The following ERC2 variants were observed in gnomAD, a reference collection of about 807,000 sequenced individuals.
ERC2 encodes the protein ELKS/RAB6-interacting/CAST family member 2, also known as ERC protein 2.
In ERC2, 42 loss-of-function variants were observed where a neutral mutation model predicts 114.8. That is an observed-to-expected ratio of 0.37 (90% CI 0.29 to 0.47). ERC2 has a LOEUF of 0.47. ERC2 is among the 20% of genes least tolerant of loss of function. ERC2 has a pLI of 0.99. For synonymous variants in ERC2, 454 were observed against 425.5 expected (o/e 1.07, Z -0.82); for missense variants, 939 against 1,150.7 (o/e 0.82, Z 2.66).
At chr3:55,543,058 AT>A (rs1216300303) in intron 17 of ERC2, among the ~76,000 whole-genome samples, 1 of 152,186 alleles carries the variant, frequency 6.6e-6, no homozygotes. Flanking sequence ...CTGCAAGTCC[AT>A]GAGTCTCCCT....
At chr3:56,397,285 G>T (rs994491619) in intron 2 of ERC2, among the ~76,000 whole-genome samples, 16 of 151,466 alleles carry the variant, frequency 1.1e-4, no homozygotes, top group African/African-American at 3.9e-4. Flanking sequence ...GTAGGCTAAG[G>T]CTGCAGTGGG....
Position 56,139,567 on chromosome 3 carries a change from T to G in ERC2, c.1415A>C (p.Glu472Ala). 2 of 1,614,002 alleles carry G rather than the reference T, an allele frequency of 1.2e-6. No homozygotes were observed. The highest frequency in any genetic ancestry group is 1.7e-6 in the Non-Finnish European group (2 of 1,179,946). The change falls in exon 6 of 18, where the codon GAA becomes GCA. Residue 472 changes from glutamate (E) to alanine (A), a missense_variant. Transcript: ENST00000288221. Reference sequence around the variant, plus strand: ...GGCAGTAAGTGACTCTTTGAGCACTTCAATGTGTTGCTTGCAATCTGAATT... The same window carrying G: ...GGCAGTAAGTGACTCTTTGAGCACTGCAATGTGTTGCTTGCAATCTGAATT... ...NQNSDCKQHI[E>A]VLKESLTAKE... is the part of the protein sequence containing the mutation.
intron 17 of ERC2, among the ~76,000 whole-genome samples, chr3:55,573,312 T>C (rs2107531059): frequency 6.6e-6 from 1 of 152,334 alleles, no homozygotes; most frequent in East Asian, 1.9e-4. Context: ...CGGGGTTATT[T>C]GAGAATTGTC....
At chr3:56,417,850 G>A (rs1321847334) in intron 2 of ERC2, among the ~76,000 whole-genome samples, 1 of 152,118 alleles carries the variant, frequency 6.6e-6, no homozygotes, top group Non-Finnish European at 1.5e-5. Context: ...AGGGCTACTA[G>A]GATTACAATG....
rs1323211363 is a variant in ERC2, at chr3:55,799,903, T to C, written c.2565-64985A>G. On this transcript the variant is annotated intron_variant, in intron 14 of 17. Transcript: ENST00000288221. ...CACCATTACTGCTATATAATAGGGA[T>C]AAGGAAGGCAATATGCATAACCCAG... 2.6e-5 allele frequency among the ~76,000 whole-genome samples: 4 copies of C among 152,076 alleles called. No individual in the cohort carries two copies. In the East Asian group the frequency reaches 7.7e-4, roughly 29 times the overall value.
chr3:55,563,530 G>T (rs1393942809), intron 17 of ERC2, among the ~76,000 whole-genome samples: 1 of 152,206 alleles, frequency 6.6e-6, no homozygotes, highest in Admixed American at 6.5e-5. Context: ...TCAAGGTTGG[G>T]TAAGTGCTCC....
At chr3:56,321,968 A>G (rs949803306) in intron 2 of ERC2, among the ~76,000 whole-genome samples, 1 of 152,250 alleles carries the variant, frequency 6.6e-6, no homozygotes, top group Non-Finnish European at 1.5e-5. Context: ...CAAGAAATAT[A>G]CCAAAAACTT....
intron 12 of ERC2, among the ~76,000 whole-genome samples, chr3:55,983,220 T>C (rs192216475): frequency 1.3e-5 from 2 of 152,358 alleles, no homozygotes; most frequent in East Asian, 1.9e-4. Flanking sequence ...TGGTTTTACT[T>C]GGTTGATTCT....
At chr3:55,769,031 C>G (rs1005249226) in intron 14 of ERC2, among the ~76,000 whole-genome samples, 4 of 152,066 alleles carry the variant, frequency 2.6e-5, no homozygotes, top group African/African-American at 7.2e-5. Flanking sequence ...GTCCCTTTGG[C>G]TCTGAAATTT....
intron 6 of ERC2, among the ~76,000 whole-genome samples, chr3:56,095,306 G>C (rs1355297117): frequency 6.6e-6 from 1 of 151,984 alleles, no homozygotes; most frequent in Admixed American, 6.6e-5. Flanking sequence ...TTTATTCATA[G>C]GGTATAGGAG....
At chr3:56,106,995 A>G (rs2078698848) in intron 6 of ERC2, among the ~76,000 whole-genome samples, 1 of 152,184 alleles carries the variant, frequency 6.6e-6, no homozygotes, top group South Asian at 2.1e-4. Flanking sequence ...AGCCCTTCTT[A>G]GGACCACGTA....
At chr3:56,183,981 T>A (rs2083440562) in intron 3 of ERC2, among the ~76,000 whole-genome samples, 1 of 152,136 alleles carries the variant, frequency 6.6e-6, no homozygotes, top group Admixed American at 6.6e-5. Flanking sequence ...TGGAAATAGA[T>A]AAATACAGTA....
At chr3:55,651,826 C>T (rs2060635144) in intron 17 of ERC2, among the ~76,000 whole-genome samples, 1 of 152,272 alleles carries the variant, frequency 6.6e-6, no homozygotes, top group Non-Finnish European at 1.5e-5. Context: ...CAGGCTTATA[C>T]CAAATGAGGG....
At chr3:56,077,460 C>G (rs916521379) in intron 7 of ERC2, among the ~76,000 whole-genome samples, 2 of 152,186 alleles carry the variant, frequency 1.3e-5, no homozygotes, top group African/African-American at 4.8e-5. Flanking sequence ...TGGTTTTGTT[C>G]TAGAACTTCC....
At chr3:56,414,947 C>T (rs559482971) in intron 2 of ERC2, among the ~76,000 whole-genome samples, 9 of 152,336 alleles carry the variant, frequency 5.9e-5, no homozygotes, top group African/African-American at 1.9e-4. Flanking sequence ...CAGAGGAACA[C>T]GGAGAGACAA....
intron 6 of ERC2, among the ~76,000 whole-genome samples, chr3:56,108,884 T>C (rs1439337597): frequency 1.3e-5 from 2 of 151,972 alleles, no homozygotes; most frequent in Admixed American, 6.6e-5. Context: ...ACAGAGCCAA[T>C]GATAGATGAG....
At chr3:55,794,192 T>C (rs987888612) in intron 14 of ERC2, among the ~76,000 whole-genome samples, 5 of 152,218 alleles carry the variant, frequency 3.3e-5, no homozygotes, top group Non-Finnish European at 5.9e-5. Context: ...CCATTATCTA[T>C]AGAAAATCAC....
intron 16 of ERC2, among the ~76,000 whole-genome samples, chr3:55,698,467 C>A (rs1405334404): frequency 6.6e-6 from 1 of 152,110 alleles, no homozygotes; most frequent in Non-Finnish European, 1.5e-5. Flanking sequence ...ACCTCCTCCC[C>A]CAGCAAACAA....
rs79715041 is a variant in ERC2, at chr3:56,220,258, G to A, written c.1075-46738C>T. 5.1e-4 allele frequency among the ~76,000 whole-genome samples: 78 copies of A among 152,188 alleles called. 1 individual carries two copies. The East Asian group carries it at 0.014, about 27-fold the overall frequency. ...AGACACTATCCTCAGGTTCTGTTAC[G>A]TCATGCCATTCTGCATTTCCCAAAA... On this transcript the variant is annotated intron_variant, in intron 3 of 17. Coordinates refer to ENST00000288221, the MANE Select transcript of ERC2 (RefSeq NM_015576.3).
Sources: allele counts gnomAD v4.1 joint callset (sites outside exome capture counted in the v4.1 genomes callset), GRCh38; gene constraint gnomAD v4.1.1; transcripts MANE v1.5; gene names NCBI Gene and HGNC (gene_info 2026-07-23, HGNC 2026-07-21).